The following PGM5 variants were observed in gnomAD, a reference collection of about 807,000 sequenced individuals.
PGM5 encodes phosphoglucomutase-like protein 5.
A neutral mutation model predicts 59.2 loss-of-function variants in PGM5; 23 were observed. That is an observed-to-expected ratio of 0.39 (90% CI 0.28 to 0.55). The LOEUF (loss-of-function observed/expected upper bound fraction) is 0.55. Ranked by LOEUF, PGM5 falls within the 20% of genes least tolerant of loss-of-function variation. The pLI is 0.66. For synonymous variants in PGM5, 214 were observed against 286.0 expected, an observed-to-expected ratio of 0.75 and a Z score of 2.54; for missense variants, 574 against 748.3, an observed-to-expected ratio of 0.77 and a Z score of 2.72.
At position 68,447,309 on chromosome 9, in the gene PGM5, T is replaced by C. The variant is rs927554364; in HGVS notation, c.1044-17784T>C. 5.9e-5 allele frequency among the ~76,000 whole-genome samples: 9 copies of C among 152,340 alleles called. No homozygotes were observed. The South Asian group carries it at 1.2e-3, about 21-fold the overall frequency. On this transcript the variant is annotated intron_variant, in intron 6 of 10. Transcript: ENST00000396396. ...CTGACATTACTTGTACTTGCCTCCC[T>C]GTTGTGAATTATAATGATGGCTGCA...
At chr9:68,373,226 T>A (rs1554677309) in intron 1 of PGM5, among the ~76,000 whole-genome samples, 1 of 144,644 alleles carries the variant, frequency 6.9e-6, no homozygotes. Context: ...AGAAGCCCCA[T>A]CACCCTCTCT....
At chr9:68,440,133 T>A (rs1194329894) in intron 6 of PGM5, among the ~76,000 whole-genome samples, 1 of 152,186 alleles carries the variant, frequency 6.6e-6, no homozygotes, top group African/African-American at 2.4e-5. Context: ...GTTGAAGACA[T>A]CAACAGTCTT....
intron 6 of PGM5, chr9:68,396,721 C>T (rs1460665952): frequency 1.3e-5 from 2 of 151,790 alleles, no homozygotes; most frequent in African/African-American, 4.8e-5. Flanking sequence ...TCATGATGGA[C>T]ACTTTATAAG....
At chr9:68,439,339 C>T in intron 6 of PGM5, among the ~76,000 whole-genome samples, 1 of 150,482 alleles carries the variant, frequency 6.6e-6, no homozygotes, top group Non-Finnish European at 1.5e-5. Context: ...GCACTCTAGC[C>T]TGGGCAACAG....
chr9:68,418,800 G>A (rs782247304), intron 6 of PGM5, among the ~76,000 whole-genome samples: 9 of 152,058 alleles, frequency 5.9e-5, no homozygotes, highest in Non-Finnish European at 1.0e-4. Flanking sequence ...AACCCCTGCC[G>A]GGTCACCAGC....
At chr9:68,408,413 A>T (rs1311156429) in intron 6 of PGM5, among the ~76,000 whole-genome samples, 1 of 152,078 alleles carries the variant, frequency 6.6e-6, no homozygotes, top group Non-Finnish European at 1.5e-5. Context: ...CCACTTTTTG[A>T]TGGGGTTGTT....
intron 6 of PGM5, among the ~76,000 whole-genome samples, chr9:68,424,398 G>T (rs1364812414): frequency 6.6e-6 from 1 of 152,158 alleles, no homozygotes; most frequent in East Asian, 1.9e-4. Context: ...GTTTCTTCTT[G>T]CTGTGTCCTC....
chr9:68,478,898 C>G (rs1231178017), intron 7 of PGM5, among the ~76,000 whole-genome samples: 1 of 152,168 alleles, frequency 6.6e-6, no homozygotes, highest in African/African-American at 2.4e-5. Context: ...ACCAGCCAAC[C>G]TTAGGTCAAG....
chr9:68,456,565 C>T (rs1421630006), intron 6 of PGM5, among the ~76,000 whole-genome samples: 7 of 151,392 alleles, frequency 4.6e-5, no homozygotes, highest in Non-Finnish European at 7.4e-5. Flanking sequence ...ATGAGCCGCC[C>T]GCCTTGGCCT....
At chr9:68,403,659 A>G (rs11141422) in intron 6 of PGM5, among the ~76,000 whole-genome samples, 7,908 of 152,206 alleles carry the variant, frequency 0.052, 607 homozygotes, top group East Asian at 0.41. Context: ...AAATTAGTCA[A>G]TATTGGTACC....
intron 1 of PGM5, among the ~76,000 whole-genome samples, chr9:68,364,407 C>T (rs1554676523): frequency 2.0e-5 from 3 of 152,188 alleles, no homozygotes. Context: ...ATACCTAGGG[C>T]TTCTTTCCTG....
At position 68,475,407 on chromosome 9, in the gene PGM5, G is replaced by C. The variant is rs562485920; in HGVS notation, c.1160-4011G>C. Among the ~76,000 whole-genome samples the C allele has an allele frequency of 1.3e-3, 201 of 152,088 alleles. 1 individual carries two copies. Among genetic ancestry groups the C allele is most frequent in the African/African-American group, 4.7e-3 (196 of 41,506 alleles). On this transcript the variant is annotated intron_variant, in intron 7 of 10. Transcript: ENST00000396396. Reference sequence around the variant, plus strand: ...TTGCGAAAATATTTAAAAGGAAAGAGAGGAAAAGCATCTGCAGTTCTACCA... The same window carrying C: ...TTGCGAAAATATTTAAAAGGAAAGACAGGAAAAGCATCTGCAGTTCTACCA...
chr9:68,425,899 A>G (rs551173175), intron 6 of PGM5, among the ~76,000 whole-genome samples: 17 of 152,310 alleles, frequency 1.1e-4, no homozygotes, highest in African/African-American at 3.6e-4. Context: ...AAAGTACACT[A>G]GATTTCACAT....
intron 6 of PGM5, among the ~76,000 whole-genome samples, chr9:68,404,285 C>G (rs190132397): frequency 1.1e-3 from 164 of 152,200 alleles, no homozygotes; most frequent in African/African-American, 3.7e-3. Flanking sequence ...TGACACAATG[C>G]CTGGCTAATT....
intron 9 of PGM5, among the ~76,000 whole-genome samples, chr9:68,485,429 T>C (rs1824278937): frequency 6.6e-6 from 1 of 152,154 alleles, no homozygotes; most frequent in South Asian, 2.1e-4. Flanking sequence ...GGGGTGGGTT[T>C]TTCCTGTGCA....
At chr9:68,403,021 T>C (rs1822710108) in intron 6 of PGM5, among the ~76,000 whole-genome samples, 1 of 152,228 alleles carries the variant, frequency 6.6e-6, no homozygotes, top group Admixed American at 6.5e-5. Context: ...TGAATCAAGA[T>C]GCTGCCTGAA....
chr9:68,467,989 G>A (rs1241270659), intron 7 of PGM5, among the ~76,000 whole-genome samples: 1 of 151,658 alleles, frequency 6.6e-6, no homozygotes, highest in East Asian at 1.9e-4. Flanking sequence ...TATTTTTTGT[G>A]TTTTTCCCCT....
intron 1 of PGM5, among the ~76,000 whole-genome samples, chr9:68,377,730 C>T (rs1554677926): frequency 1.3e-5 from 2 of 152,266 alleles, no homozygotes; most frequent in African/African-American, 2.4e-5. Flanking sequence ...AAAATATGCC[C>T]ACAGGTGATG....
At chr9:68,506,153 A>G (rs1276570735) in intron 10 of PGM5, among the ~76,000 whole-genome samples, 1 of 152,236 alleles carries the variant, frequency 6.6e-6, no homozygotes, top group Non-Finnish European at 1.5e-5. Flanking sequence ...TTTTCCATAC[A>G]TAGTGAACTA....
Sources: gnomAD v4.1 joint callset for allele counts (sites outside exome capture counted in the v4.1 genomes callset) on GRCh38, gnomAD v4.1.1 for gene constraint, MANE v1.5 for transcripts, NCBI Gene and HGNC (gene_info 2026-07-23, HGNC 2026-07-21) for gene names.